SRMS: variants seen among roughly 807,000 people sequenced by gnomAD.
The protein encoded by SRMS is src-related kinase lacking C-terminal regulatory tyrosine and N-terminal myristylation sites.
A neutral mutation model predicts 43.5 loss-of-function variants in SRMS; 42 were observed. The ratio of observed to expected loss-of-function variants is 0.97; its 90% CI spans 0.75 to 1.25. SRMS has a LOEUF of 1.25. SRMS is among the 50% of genes most tolerant of loss of function. The pLI is 0.00. For missense variants in SRMS, 703 were observed against 681.0 expected (o/e 1.03, Z -0.36); for synonymous variants, 316 against 308.2 (o/e 1.03, Z -0.27).
intron 3 of SRMS, 130 bp downstream of exon 3, chr20:63,543,184 A>C: frequency 1.8e-6 from 2 of 1,129,984 alleles, no homozygotes; most frequent in Non-Finnish European, 2.5e-6. Flanking sequence ...CGATGCTCCC[A>C]GGCCTGGGCA....
rs1418409193 is a variant in SRMS, at chr20:63,542,178, G to C, written c.931C>G (p.Gln311Glu). Residue 311 changes from glutamine to glutamate, a missense_variant, in exon 5 of 8, where the codon CAG becomes GAG. Coordinates refer to ENST00000217188, the MANE Select transcript of SRMS (RefSeq NM_080823.4). ...GGGGACTCACTGCCCAGGAAGGCCTGCAGGTTCCCCTTGCGCATGAGTTCC... is the reference window on the plus strand; with the variant it reads ...GGGGACTCACTGCCCAGGAAGGCCTCCAGGTTCCCCTTGCGCATGAGTTCC... ...VTELMRKGNL[Q>E]AFLGTPEGRA... 4 of 1,609,648 alleles carry C rather than the reference G, an allele frequency of 2.5e-6. No homozygotes were observed. Among genetic ancestry groups the C allele is most frequent in the Non-Finnish European group, 3.4e-6 (4 of 1,177,664 alleles).
Position 63,539,308 on chromosome 20 carries a change from G to A in SRMS, c.*1510C>T, listed in dbSNP as rs182082098. On this transcript the variant is annotated 3_prime_UTR_variant, in exon 8 of 8. Transcript: ENST00000217188. Reference sequence around the variant, plus strand: ...AAGCCCCCGCGCTGCCTCCGTTCTCGGAGCCTCCGAGTGGCCTCTTCCTTC... The same window carrying A: ...AAGCCCCCGCGCTGCCTCCGTTCTCAGAGCCTCCGAGTGGCCTCTTCCTTC... Among the ~76,000 whole-genome samples the A allele has an allele frequency of 2.6e-3, 399 of 152,332 alleles. 2 individuals carry two copies. Among genetic ancestry groups the A allele is most frequent in the African/African-American group, 8.8e-3 (367 of 41,566 alleles).
At position 63,546,482 on chromosome 20, in the gene SRMS, C is replaced by CTT. The variant is rs1287441126; in HGVS notation, c.356+625_356+626insAA. Among the ~76,000 whole-genome samples, 20 of 152,130 alleles carry CTT rather than the reference C, an allele frequency of 1.3e-4. 5 individuals are homozygous for CTT. Among genetic ancestry groups the CTT allele is most frequent in the African/African-American group, 3.6e-4 (15 of 41,406 alleles). ...GCCTCTGCAACCCCTGCTCACCTGC[C>CTT]CTCACCCAGAGCTCCTGGAGCGTGG... On this transcript the variant is annotated intron_variant, in intron 1 of 7. Transcript: ENST00000217188.
intron 3 of SRMS, 129 bp from the exon 4 acceptor site, chr20:63,542,710 G>A: frequency 9.0e-6 from 11 of 1,228,426 alleles, no homozygotes; most frequent in Non-Finnish European, 9.9e-6. Flanking sequence ...CCCTGGCTGG[G>A]ACAAAGGGGA....
chr20:63,542,922 G>A (rs989694392), intron 3 of SRMS, among the ~76,000 whole-genome samples: 9 of 152,142 alleles, frequency 5.9e-5, no homozygotes, highest in African/African-American at 2.2e-4. Flanking sequence ...CAGTCCCCGG[G>A]ATCCAGTGTC....
Position 63,540,866 on chromosome 20 carries a change from G to A in SRMS, c.1419C>T (p.Phe473=), listed in dbSNP as rs6122130. 411,639 of 1,605,306 alleles carry A rather than the reference G, an allele frequency of 0.26. 70,969 individuals carry two copies. Among genetic ancestry groups the A allele is most frequent in the East Asian group, 0.97 (43,388 of 44,824 alleles). The part of the protein sequence containing the change: ...WRSSPEERPS[F]ATLREKLHAI... The stretch of plus-strand genomic sequence containing the variant: ...CGTGCAGCTTCTCCCGCAGCGTGGC[G>A]AAGGAGGGCCGTTCCTCGGGGCTGC... The change falls in exon 8 of 8, where the codon TTC becomes TTT. Residue 473 remains phenylalanine (F), a synonymous_variant. Coordinates refer to ENST00000217188, the MANE Select transcript of SRMS (RefSeq NM_080823.4).
intron 4 of SRMS, 36 bp downstream of exon 4, chr20:63,542,404 G>C (rs773963311): frequency 5.0e-6 from 8 of 1,599,784 alleles, no homozygotes; most frequent in Non-Finnish European, 5.1e-6. Flanking sequence ...CAGCAGGTGC[G>C]GGGCCCGGCC....
intron 1 of SRMS, among the ~76,000 whole-genome samples, chr20:63,545,395 C>A (rs1374364661): frequency 2.0e-5 from 3 of 152,174 alleles, no homozygotes; most frequent in East Asian, 3.9e-4. Flanking sequence ...CCAGGGCACA[C>A]CCCGTAAGCA....
rs572687735 is a variant in SRMS, at chr20:63,539,391, A to G, written c.*1427T>C. On this transcript the variant is annotated 3_prime_UTR_variant, in exon 8 of 8. Coordinates refer to ENST00000217188, the MANE Select transcript of SRMS (RefSeq NM_080823.4). Reference sequence around the variant, plus strand: ...TCATCTCTTAGCTCCCTCCTGAGCCAGGCTTTGGCCGGGGCCTGTGGACGG... The same window carrying G: ...TCATCTCTTAGCTCCCTCCTGAGCCGGGCTTTGGCCGGGGCCTGTGGACGG... 1.1e-4 allele frequency among the ~76,000 whole-genome samples: 17 copies of G among 152,334 alleles called. No individual in the cohort carries two copies. In the South Asian group the frequency reaches 3.5e-3, roughly 32 times the overall value.
Position 63,542,321 on chromosome 20 carries a change from G to A in SRMS, c.788C>T (p.Ala263Val), listed in dbSNP as rs762371718. 1.7e-5 allele frequency: 28 copies of A among 1,607,090 alleles called. No homozygotes were observed. The highest frequency in any genetic ancestry group is 4.3e-6 in the Non-Finnish European group (5 of 1,175,490). ...GGCGAGGTCAGTGAGCTTCATGTTG[G>A]CTGCGAGAGAGGGTGTGGCTCCAGG... ...LPVAIKVIKS[A>V]NMKLTDLAKE... The change falls in exon 5 of 8, where the codon GCC becomes GTC. Residue 263 changes from alanine to valine, a missense_variant and splice_region_variant. Coordinates refer to ENST00000217188, the MANE Select transcript of SRMS (RefSeq NM_080823.4).
intron 5 of SRMS, among the ~76,000 whole-genome samples, 178 bp downstream of exon 5, chr20:63,541,985 G>A (rs2082706617): frequency 6.6e-6 from 1 of 152,234 alleles, no homozygotes; most frequent in East Asian, 1.9e-4. Context: ...GCCCAGACCT[G>A]ACGCCAGCCC....
Position 63,542,174 on chromosome 20 carries a change from G to A in SRMS, c.935C>T (p.Ala312Val). The A allele has an allele frequency of 9.3e-6, 15 of 1,609,414 alleles. No individual in the cohort carries two copies. The highest frequency in any genetic ancestry group is 1.3e-5 in the Non-Finnish European group (15 of 1,177,428). Residue 312 changes from alanine (A) to valine (V), a missense_variant, in exon 5 of 8, where the codon GCC becomes GTC. Ala to Val is a moderately conservative substitution (Grantham distance 64). Coordinates refer to ENST00000217188, the MANE Select transcript of SRMS (RefSeq NM_080823.4). The stretch of plus-strand genomic sequence containing the variant: ...GGGAGGGGACTCACTGCCCAGGAAG[G>A]CCTGCAGGTTCCCCTTGCGCATGAG... ...TELMRKGNLQ[A>V]FLGTPEGRAL... is the part of the protein sequence containing the mutation.
intron 1 of SRMS, among the ~76,000 whole-genome samples, chr20:63,545,780 C>T (rs2082727756): frequency 6.6e-6 from 1 of 152,154 alleles, no homozygotes; most frequent in Admixed American, 6.5e-5. Flanking sequence ...CAGCCAGGGC[C>T]CCTGCCTTCT....
chr20:63,544,300 G>A lies in SRMS; in HGVS notation c.405C>T (p.Leu135=). Residue 135 remains leucine (L), a synonymous_variant, in exon 2 of 8, where the codon CTC becomes CTT. Transcript: ENST00000217188. The stretch of plus-strand genomic sequence containing the variant: ...AGGCCCCTGGTTCGTTGGGTGGGGA[G>A]AGGAGCAGCTGCTGTGCCTGGGTCC... ...VSRTQAQQLL[L]SPPNEPGAFL... 6.7e-7 allele frequency: 1 copy of A among 1,485,458 alleles called. No homozygotes were observed. The highest frequency in any genetic ancestry group is 8.9e-7 in the Non-Finnish European group (1 of 1,119,038). 92.0% of individuals were successfully genotyped at this position (1,485,458 alleles called of 1,614,324 possible).
Position 63,540,681 on chromosome 20 carries a change from CAT to C in SRMS, c.*135_*136del, listed in dbSNP as rs1189549164. 2.9e-5 allele frequency: 32 copies of C among 1,111,808 alleles called. No homozygotes were observed. In the South Asian group the frequency reaches 4.5e-4, roughly 16 times the overall value. The allele number at this position is 1,111,808 out of a possible 1,614,324, so 68.9% of individuals were successfully genotyped here. On this transcript the variant is annotated 3_prime_UTR_variant, in exon 8 of 8. Transcript: ENST00000217188. Reference sequence around the variant, plus strand: ...TCTGCACGTCTGCCTGGTGCACGAACATGTGTGCACGCCAGGGCCTGAGGCCC... The same window carrying C: ...TCTGCACGTCTGCCTGGTGCACGAACGTGTGCACGCCAGGGCCTGAGGCCC...
chr20:63,541,844 G>A (rs1054572375), intron 5 of SRMS, among the ~76,000 whole-genome samples: 13 of 152,262 alleles, frequency 8.5e-5, no homozygotes, highest in African/African-American at 3.1e-4. Context: ...ACAAAGACCA[G>A]GGCAGAGAAG....
In SRMS at chr20:63,544,221, A is replaced by C; in HGVS notation, c.478+6T>G. 1.4e-6 allele frequency: 2 copies of C among 1,445,812 alleles called. No homozygotes were observed. The highest frequency in any genetic ancestry group is 1.8e-6 in the Non-Finnish European group (2 of 1,098,330). The allele number at this position is 1,445,812 out of a possible 1,614,324, so 89.6% of individuals were successfully genotyped here. ...GGACAGAGGCAGGAGGGGCCGCCCC[A>C]GGTACCTGACAGTGAGTAGCCCCCG... is the stretch of plus-strand genomic sequence containing the variant. On this transcript the variant is annotated splice_donor_region_variant and intron_variant, in intron 2 of 7. Transcript: ENST00000217188.
chr20:63,547,341 C>T lies in SRMS; in HGVS notation c.123G>A (p.Val41=). ...PGSLDPNTDP[V]PTLPAEPCSP... ...TGCAAGGCTCGGCGGGGAGCGTGGG[C>T]ACTGGGTCAGTGTTGGGGTCCAGGG... Residue 41 remains valine (V), a synonymous_variant, in exon 1 of 8, where the codon GTG becomes GTA. Coordinates refer to ENST00000217188, the MANE Select transcript of SRMS (RefSeq NM_080823.4). 1 of 1,589,372 alleles carries T rather than the reference C, an allele frequency of 6.3e-7. No homozygotes were observed. Among genetic ancestry groups the T allele is most frequent in the Non-Finnish European group, 8.6e-7 (1 of 1,166,440 alleles).
Position 63,540,436 on chromosome 20 carries a change from C to T in SRMS, c.*382G>A, listed in dbSNP as rs1354281287. On this transcript the variant is annotated 3_prime_UTR_variant, in exon 8 of 8. Coordinates refer to ENST00000217188, the MANE Select transcript of SRMS (RefSeq NM_080823.4). ...CACCCAGAGCCTCCGAGGCTTCTACCCACCCTCCTGTGCCGTTGTCTCTCT... is the reference window on the plus strand; with the variant it reads ...CACCCAGAGCCTCCGAGGCTTCTACTCACCCTCCTGTGCCGTTGTCTCTCT... Among the ~76,000 whole-genome samples the T allele has an allele frequency of 6.6e-6, 1 of 151,820 alleles. No homozygotes were observed. Among genetic ancestry groups the T allele is most frequent in the African/African-American group, 2.4e-5 (1 of 41,070 alleles).
Sources: gnomAD v4.1 joint callset for allele counts (sites outside exome capture counted in the v4.1 genomes callset) on GRCh38, gnomAD v4.1.1 for gene constraint, MANE v1.5 for transcripts, NCBI Gene and HGNC (gene_info 2026-07-23, HGNC 2026-07-21) for gene names.